The following VDAC1 variants were observed in gnomAD, a reference collection of about 807,000 sequenced individuals.
The protein encoded by VDAC1 is non-selective voltage-gated ion channel VDAC1.
A neutral mutation model predicts 34.7 loss-of-function variants in VDAC1; 10 were observed. The observed-to-expected ratio is 0.29, with a 90% CI of 0.18 to 0.49. VDAC1 has a LOEUF of 0.49. Ranked by LOEUF, VDAC1 falls within the 20% of genes least tolerant of loss-of-function variation. The pLI is 0.99. For synonymous variants in VDAC1, 130 were observed against 136.0 expected (o/e 0.96, Z 0.30); for missense variants, 230 against 347.9 (o/e 0.66, Z 2.69).
At chr5:133,992,391 A>G (rs751230135) in intron 2 of VDAC1, 36 bp from the exon 3 acceptor site, 20 of 1,513,916 alleles carry the variant, frequency 1.3e-5, no homozygotes, top group East Asian at 2.4e-5. Flanking sequence ...AATAGGTTAA[A>G]TAACTAGAGA....
chr5:134,010,104 G>A, the VDAC1 span, among the ~76,000 whole-genome samples: 1 of 152,208 alleles, frequency 6.6e-6, no homozygotes, highest in East Asian at 1.9e-4. Context: ...CTTCTGAAAA[G>A]CAATTAGGCT....
the VDAC1 span, among the ~76,000 whole-genome samples, chr5:134,111,410 C>T: frequency 3.9e-5 from 6 of 152,154 alleles, no homozygotes; most frequent in Admixed American, 1.3e-4. Context: ...TGAAACTCCC[C>T]GGTCACCTCC....
the VDAC1 span, among the ~76,000 whole-genome samples, chr5:134,087,780 C>T: frequency 1.6e-4 from 24 of 151,192 alleles, no homozygotes; most frequent in African/African-American, 4.6e-4. Flanking sequence ...GACTTGAACC[C>T]GGGAGGCGGA....
chr5:134,046,281 G>A, the VDAC1 span, among the ~76,000 whole-genome samples: 1 of 151,972 alleles, frequency 6.6e-6, no homozygotes, highest in Admixed American at 6.6e-5. Context: ...ACCCACCTTG[G>A]CCTCCCATAG....
At chr5:133,987,729 A>T (rs1220244343) in intron 5 of VDAC1, among the ~76,000 whole-genome samples, 2 of 151,400 alleles carry the variant, frequency 1.3e-5, no homozygotes, top group Non-Finnish European at 2.9e-5. Flanking sequence ...TATGATGAGA[A>T]ATAGAATATC....
In VDAC1 at chr5:133,980,690, C is replaced by T. The variant is rs1430892952; in HGVS notation, c.551+39G>A. 4 of 386,680 alleles carry T rather than the reference C, an allele frequency of 1.0e-5. No individual in the cohort carries two copies. The Admixed American group carries it at 1.2e-4, about 12-fold the overall frequency. 24.0% of individuals were successfully genotyped at this position (386,680 alleles called of 1,614,324 possible). ...AATCCCCTTACCACACATGCTCCAA[C>T]CCCACCCCTCCCACCCTGCTGCCCC... On this transcript the variant is annotated intron_variant, in intron 6 of 8. Transcript: ENST00000265333.
chr5:134,073,025 G>A, the VDAC1 span, among the ~76,000 whole-genome samples: 1 of 152,184 alleles, frequency 6.6e-6, no homozygotes, highest in Admixed American at 6.5e-5. Flanking sequence ...TGGATGCCAA[G>A]AAAAGGACAG....
chr5:134,104,646 G>A, the VDAC1 span, among the ~76,000 whole-genome samples: 1 of 152,186 alleles, frequency 6.6e-6, no homozygotes, highest in Non-Finnish European at 1.5e-5. Flanking sequence ...CCAAAACCAT[G>A]GGCCAGGAGG....
At chr5:134,059,718 C>T in the VDAC1 span, among the ~76,000 whole-genome samples, 2 of 152,176 alleles carry the variant, frequency 1.3e-5, no homozygotes, top group East Asian at 1.9e-4. Flanking sequence ...CCAACCACAC[C>T]CTATACCCCC....
intron 1 of VDAC1, among the ~76,000 whole-genome samples, chr5:133,998,130 C>A (rs1409616575): frequency 6.6e-6 from 1 of 150,880 alleles, no homozygotes; most frequent in Non-Finnish European, 1.5e-5. Context: ...TGAAAAAAGT[C>A]AGAAAATTTG....
the VDAC1 span, among the ~76,000 whole-genome samples, chr5:134,097,763 C>T: frequency 9.5e-3 from 1,442 of 152,334 alleles, 28 homozygotes; most frequent in African/African-American, 0.033. Flanking sequence ...AGGAGCCAGA[C>T]GTCTAATTTT....
At chr5:134,007,242 C>CAAA (rs56702014), upstream of VDAC1, among the ~76,000 whole-genome samples, 1 of 120,228 alleles carries the variant, frequency 8.3e-6, no homozygotes, top group Non-Finnish European at 1.8e-5. Context: ...GAAACTCTGC[C>CAAA]AAAAAAAAAA....
the VDAC1 span, among the ~76,000 whole-genome samples, chr5:134,079,371 G>A: frequency 2.0e-5 from 3 of 152,352 alleles, no homozygotes; most frequent in South Asian, 2.1e-4. Flanking sequence ...TGGCATCACC[G>A]TCTGATGGGG....
chr5:134,015,685 C>T, the VDAC1 span, among the ~76,000 whole-genome samples: 2 of 151,846 alleles, frequency 1.3e-5, no homozygotes, highest in Admixed American at 1.3e-4. Flanking sequence ...CGCTCTGTCA[C>T]CCAGGCTGGA....
the VDAC1 span, among the ~76,000 whole-genome samples, chr5:134,106,035 C>T: frequency 0.67 from 102,296 of 152,156 alleles, 35,354 homozygotes; most frequent in Non-Finnish European, 0.77. Context: ...ATCCAGTAGA[C>T]GCTTCACCTC....
intron 7 of VDAC1, among the ~76,000 whole-genome samples, chr5:133,975,268 T>TA (rs918039298): frequency 6.6e-6 from 1 of 151,124 alleles, no homozygotes; most frequent in Non-Finnish European, 1.5e-5. Flanking sequence ...AAACAAAAAA[T>TA]AAAAAAAACC....
At chr5:133,989,660 C>CTTTTTTTTTTTT (rs58777659) in intron 5 of VDAC1, among the ~76,000 whole-genome samples, 1 of 145,222 alleles carries the variant, frequency 6.9e-6, no homozygotes. Context: ...GCATCCGACT[C>CTTTTTTTTTTTT]TTTTTTTTTT....
chr5:134,046,251 C>A, the VDAC1 span, among the ~76,000 whole-genome samples: 31 of 152,040 alleles, frequency 2.0e-4, no homozygotes, highest in Admixed American at 7.9e-4. Context: ...GATTGTCTCG[C>A]TCTCCTGACC....
chr5:134,101,281 A>C, the VDAC1 span, among the ~76,000 whole-genome samples: 1 of 152,148 alleles, frequency 6.6e-6, no homozygotes, highest in Non-Finnish European at 1.5e-5. Context: ...CTAGAAGATG[A>C]TGCTGTTAAT....
Sources: allele counts gnomAD v4.1 joint callset (sites outside exome capture counted in the v4.1 genomes callset), GRCh38; gene constraint gnomAD v4.1.1; transcripts MANE v1.5; gene names NCBI Gene and HGNC (gene_info 2026-07-23, HGNC 2026-07-21).